Variants in PEAK1 observed in about 807,000 individuals in gnomAD.
PEAK1 encodes inactive tyrosine-protein kinase PEAK1.
A neutral mutation model predicts 124.7 loss-of-function variants in PEAK1; 54 were observed. That is an observed-to-expected ratio of 0.43 (90% CI 0.35 to 0.54). The LOEUF is 0.54. Ranked by LOEUF, PEAK1 falls within the 20% of genes least tolerant of loss-of-function variation. The probability of loss-of-function intolerance (pLI) is 0.01; values close to 1 mark genes in which losing one functional copy is unlikely to be tolerated. For synonymous variants in PEAK1, 719 were observed against 760.0 expected, an observed-to-expected ratio of 0.95 and a Z score of 0.89; for missense variants, 2,046 against 2,134.5, an observed-to-expected ratio of 0.96 and a Z score of 0.82.
At chr15:77,363,585 T>C (rs968306107) in intron 2 of PEAK1, among the ~76,000 whole-genome samples, 1 of 152,104 alleles carries the variant, frequency 6.6e-6, no homozygotes, top group African/African-American at 2.4e-5. Flanking sequence ...GTTGATCCAC[T>C]TGACAGGAGG....
At chr15:77,196,513 G>C (rs966064193) in intron 6 of PEAK1, among the ~76,000 whole-genome samples, 1 of 152,078 alleles carries the variant, frequency 6.6e-6, no homozygotes, top group Non-Finnish European at 1.5e-5. Context: ...GAGAAACACT[G>C]GTTTCTTATT....
At chr15:77,354,007 C>T (rs1402426456) in intron 2 of PEAK1, among the ~76,000 whole-genome samples, 1 of 152,176 alleles carries the variant, frequency 6.6e-6, no homozygotes, top group African/African-American at 2.4e-5. Flanking sequence ...ATCTAAATGT[C>T]CCTGAGGATT....
chr15:77,295,495 A>C (rs117880038), intron 2 of PEAK1, among the ~76,000 whole-genome samples: 7 of 152,178 alleles, frequency 4.6e-5, no homozygotes, highest in Non-Finnish European at 7.4e-5. Flanking sequence ...ATATTCAACT[A>C]TCTCAACCTT....
At position 77,367,954 on chromosome 15, in the gene PEAK1, C is replaced by T. The variant is rs1002727326; in HGVS notation, c.-665-2729G>A. 3.9e-5 allele frequency among the ~76,000 whole-genome samples: 6 copies of T among 152,178 alleles called. No individual in the cohort carries two copies. In the South Asian group the frequency reaches 6.2e-4, roughly 16 times the overall value. Reference sequence around the variant, plus strand: ...CCATTGCCAGTGAATGTGGAAGCATCAACTATCATCTGTAAACCACATCTG... The same window carrying T: ...CCATTGCCAGTGAATGTGGAAGCATTAACTATCATCTGTAAACCACATCTG... On this transcript the variant is annotated intron_variant, in intron 1 of 9. Coordinates refer to ENST00000682557, the MANE Select transcript of PEAK1 (RefSeq NM_001385026.1).
At position 77,232,743 on chromosome 15, in the gene PEAK1, TTC is replaced by T. The variant is rs1294231103; in HGVS notation, c.-115+19622_-115+19623del. 2.6e-5 allele frequency among the ~76,000 whole-genome samples: 4 copies of T among 152,162 alleles called. No homozygotes were observed. The South Asian group carries it at 8.3e-4, about 32-fold the overall frequency. Reference sequence around the variant, plus strand: ...AAGGAATGTTCTTGAAATACCTTTCTTCTCTCTCTGTTTTGTTTTTAGATGGA... The same window carrying T: ...AAGGAATGTTCTTGAAATACCTTTCTTCTCTCTGTTTTGTTTTTAGATGGA... On this transcript the variant is annotated intron_variant, in intron 6 of 9. Coordinates refer to ENST00000682557, the MANE Select transcript of PEAK1 (RefSeq NM_001385026.1).
chr15:77,112,334 G>C lies in PEAK1; in HGVS notation c.*1822C>G, dbSNP rs899951914. On this transcript the variant is annotated 3_prime_UTR_variant, in exon 10 of 10. Coordinates refer to ENST00000682557, the MANE Select transcript of PEAK1 (RefSeq NM_001385026.1). ...AATCACATGAAAAGCTGTTAAAAAT[G>C]TTAAAAGTTTAGAAATTTCCAAGGC... The C allele has an allele frequency of 1.3e-5, 2 of 152,222 alleles. No homozygotes were observed. Among genetic ancestry groups the C allele is most frequent in the African/African-American group, 4.8e-5 (2 of 41,454 alleles). The allele number at this position is 152,222 out of a possible 1,614,324, so 9.4% of individuals were successfully genotyped here.
At chr15:77,408,251 A>T (rs1456917906) in intron 1 of PEAK1, among the ~76,000 whole-genome samples, 1 of 151,978 alleles carries the variant, frequency 6.6e-6, no homozygotes, top group African/African-American at 2.4e-5. Flanking sequence ...ACCTGGATGG[A>T]ATTGGAGACC....
Position 77,264,629 on chromosome 15 carries a change from T to C in PEAK1, c.-274-12103A>G, listed in dbSNP as rs373596512. ...AGGATACCAACAAATGGAAGAACAT[T>C]CCACGCTCATGGGTAGGAAGAATCA... On this transcript the variant is annotated intron_variant, in intron 5 of 9. Coordinates refer to ENST00000682557, the MANE Select transcript of PEAK1 (RefSeq NM_001385026.1). Among the ~76,000 whole-genome samples the C allele has an allele frequency of 4.0e-4, 61 of 152,224 alleles. No homozygotes were observed. In the East Asian group the frequency reaches 5.8e-3, roughly 14 times the overall value.
rs1338390979 is a variant in PEAK1, at chr15:77,237,440, T to TC, written c.-115+14926_-115+14927insG. 3.9e-5 allele frequency among the ~76,000 whole-genome samples: 6 copies of TC among 152,034 alleles called. No homozygotes were observed. In the South Asian group the frequency reaches 1.0e-3, roughly 26 times the overall value. On this transcript the variant is annotated intron_variant, in intron 6 of 9. Transcript: ENST00000682557. ...TTCCTGCTATTTAAACTTTTTTTTT[T>TC]TTCAAATATCCAGTTTTACCTTCTG...
chr15:77,259,307 A>G (rs373020875), intron 5 of PEAK1, among the ~76,000 whole-genome samples: 1 of 152,264 alleles, frequency 6.6e-6, no homozygotes, highest in East Asian at 1.9e-4. Flanking sequence ...AATGTTAATA[A>G]TTTTATATTT....
intron 2 of PEAK1, chr15:77,346,696 C>T (rs2066893040): frequency 1.0e-6 from 1 of 983,904 alleles, no homozygotes; most frequent in African/African-American, 1.7e-5. Flanking sequence ...ATCTTCCTGA[C>T]TACCAAAAGG....
intron 2 of PEAK1, among the ~76,000 whole-genome samples, chr15:77,360,431 G>T (rs1443523018): frequency 6.6e-6 from 1 of 152,172 alleles, no homozygotes. Context: ...AAGACCCACA[G>T]AATAGGAGAA....
chr15:77,348,772 A>G (rs2067023440), intron 2 of PEAK1: 1 of 896,972 alleles, frequency 1.1e-6, no homozygotes, highest in Non-Finnish European at 1.3e-6. Flanking sequence ...CCGATGATGA[A>G]TATCTTTTTT....
intron 4 of PEAK1, 78 bp from the exon 5 acceptor site, chr15:77,284,108 A>C: frequency 1.4e-6 from 1 of 717,086 alleles, no homozygotes; most frequent in Non-Finnish European, 1.7e-6. Flanking sequence ...GACCAATTCA[A>C]TCTGGTCATG....
rs201213328 is a variant in PEAK1, at chr15:77,133,269, C to G, written c.3813G>C (p.Pro1271=). 3.7e-6 allele frequency: 6 copies of G among 1,614,146 alleles called. No homozygotes were observed. Among genetic ancestry groups the G allele is most frequent in the Non-Finnish European group, 5.1e-6 (6 of 1,180,054 alleles). ...GTCCTCGATAAAGTGCTTGTCTCTG[C>G]GGCTTCTGGATGCCTCGGCCCTGTC... is the stretch of plus-strand genomic sequence containing the variant. ...SCRQGRGIQK[P]QRQALYRGLE... is the part of the protein sequence containing the mutation. The change falls in exon 9 of 10, where the codon CCG becomes CCC. Residue 1271 remains proline, a synonymous_variant. Coordinates refer to ENST00000682557, the MANE Select transcript of PEAK1 (RefSeq NM_001385026.1). This position sits in a 1 kb window ranked among gnomAD's most constrained non-coding sequence, Gnocchi z 4.2.
chr15:77,318,340 C>T (rs75514735), intron 2 of PEAK1, among the ~76,000 whole-genome samples: 1 of 152,136 alleles, frequency 6.6e-6, no homozygotes, highest in Admixed American at 6.5e-5. Context: ...ATATTGGCAA[C>T]TTCCTGTGAA....
intron 8 of PEAK1, among the ~76,000 whole-genome samples, chr15:77,154,969 G>T (rs1255873625): frequency 6.6e-6 from 1 of 152,066 alleles, no homozygotes; most frequent in Non-Finnish European, 1.5e-5. Flanking sequence ...GTGTCTTGGA[G>T]TTGCTCTTCT....
intron 6 of PEAK1, among the ~76,000 whole-genome samples, chr15:77,233,708 G>A (rs1000528359): frequency 5.2e-4 from 79 of 151,852 alleles, no homozygotes; most frequent in African/African-American, 1.8e-3. Context: ...TTGTATAACC[G>A]TCTTCTTGAC....
chr15:77,158,786 A>C, intron 7 of PEAK1, 90 bp from the exon 8 acceptor site: 1 of 1,230,416 alleles, frequency 8.1e-7, no homozygotes, highest in Non-Finnish European at 1.2e-6. Context: ...CCATAAATGT[A>C]AATAACTGGT....
Sources: allele counts gnomAD v4.1 joint callset (sites outside exome capture counted in the v4.1 genomes callset), GRCh38; gene constraint gnomAD v4.1.1; non-coding constraint Gnocchi (gnomAD v3.1); transcripts MANE v1.5; gene names NCBI Gene and HGNC (gene_info 2026-07-23, HGNC 2026-07-21).